SDHA: variants seen among roughly 807,000 people sequenced by gnomAD.
The protein encoded by SDHA is succinate dehydrogenase [ubiquinone] flavoprotein subunit, mitochondrial.
SDHA carries 48 observed loss-of-function variants against 78.4 expected under a neutral mutation model. The observed-to-expected ratio is 0.61, with a 90% CI of 0.49 to 0.78. The LOEUF (loss-of-function observed/expected upper bound fraction) is 0.78, where lower values mean the gene tolerates loss of function less well. Ranked by LOEUF, SDHA falls within the 30% of genes least tolerant of loss-of-function variation. SDHA has a pLI of 0.00. For synonymous variants in SDHA, 326 were observed against 353.9 expected (o/e 0.92, Z 0.88); for missense variants, 680 against 892.7 (o/e 0.76, Z 3.04).
At chr5:263,610 AC>A in the SDHA span, among the ~76,000 whole-genome samples, 3 of 152,190 alleles carry the variant, frequency 2.0e-5, no homozygotes, top group Admixed American at 1.3e-4. Context: ...TGTGCATTAC[AC>A]CATAAAAAAG....
chr5:262,449 A>G, the SDHA span, among the ~76,000 whole-genome samples: 1 of 152,204 alleles, frequency 6.6e-6, no homozygotes, highest in Non-Finnish European at 1.5e-5. Flanking sequence ...GCCTCCTGCC[A>G]GATCAGTGGT....
downstream of SDHA, among the ~76,000 whole-genome samples, chr5:258,877 C>G (rs1164959399): frequency 3.9e-5 from 2 of 51,066 alleles, 1 homozygote; most frequent in Non-Finnish European, 7.5e-5. Flanking sequence ...AGAGCCTTGC[C>G]GTGAGCTCCG....
rs1736814459 is a variant in SDHA at position 251,361 on chromosome 5, G to A, written c.1687G>A (p.Val563Met). The change falls in exon 13 of 15, where the codon GTG (valine) becomes ATG (methionine). Residue 563 changes from valine (V) to methionine (M), a missense_variant. Physicochemically the swap from Val to Met is conservative, Grantham distance 21. Transcript: ENST00000264932. ...AGGAATGGTCTGGAACACGGACCTG[G>A]TGGAGACCCTGGAGCTGCAGAACCT... ...DRGMVWNTDLVETLELQNLML... is the reference protein window; with the variant it reads ...DRGMVWNTDLMETLELQNLML... 2 of 1,613,588 alleles carry A rather than the reference G, an allele frequency of 1.2e-6. No homozygotes were observed. Among genetic ancestry groups the A allele is most frequent in the African/African-American group, 2.7e-5 (2 of 74,876 alleles).
intron 11 of SDHA, among the ~76,000 whole-genome samples, chr5:243,588 A>G (rs1373336427): frequency 4.6e-5 from 7 of 152,170 alleles, no homozygotes; most frequent in Non-Finnish European, 1.5e-5. Flanking sequence ...GTAGAGAACA[A>G]TACCCTTCCT....
At chr5:258,674 G>A (rs1436533516), downstream of SDHA, among the ~76,000 whole-genome samples, 1 of 106,840 alleles carries the variant, frequency 9.4e-6, no homozygotes, top group African/African-American at 5.9e-5. Context: ...TCCGCCTCCT[G>A]TCACAGCATT....
At chr5:231,697 G>A (rs1735414338) in intron 7 of SDHA, among the ~76,000 whole-genome samples, 1 of 152,262 alleles carries the variant, frequency 6.6e-6, no homozygotes, top group South Asian at 2.1e-4. Context: ...TCTCCACCGG[G>A]GTTTACTGAG....
At chr5:224,579 A>G in intron 3 of SDHA, 58 bp downstream of exon 3, 9 of 1,578,206 alleles carry the variant, frequency 5.7e-6, no homozygotes, top group Non-Finnish European at 6.1e-6. Context: ...GCAGCCTCGC[A>G]CTTTCTACCT....
At chr5:265,826 A>AAG in the SDHA span, among the ~76,000 whole-genome samples, 1 of 145,370 alleles carries the variant, frequency 6.9e-6, no homozygotes, top group African/African-American at 2.8e-5. Flanking sequence ...GTCTCAAAAA[A>AAG]AAAAAAAGAG....
chr5:245,144 A>G (rs1329182554), intron 11 of SDHA, among the ~76,000 whole-genome samples: 2 of 152,232 alleles, frequency 1.3e-5, no homozygotes, highest in Non-Finnish European at 2.9e-5. Flanking sequence ...GAAAAGGGAC[A>G]CATAGCTCCA....
chr5:243,034 G>T (rs1203677275), intron 11 of SDHA, among the ~76,000 whole-genome samples: 1 of 152,132 alleles, frequency 6.6e-6, no homozygotes, highest in African/African-American at 2.4e-5. Flanking sequence ...AGAGGACAGT[G>T]GGCGAAAAGT....
intron 11 of SDHA, among the ~76,000 whole-genome samples, chr5:245,704 A>G (rs1736400409): frequency 6.6e-6 from 1 of 152,248 alleles, no homozygotes; most frequent in Non-Finnish European, 1.5e-5. Flanking sequence ...AGTAAATGAC[A>G]TTACCATTGT....
chr5:268,195 T>C, the SDHA span, among the ~76,000 whole-genome samples: 1 of 151,950 alleles, frequency 6.6e-6, no homozygotes, highest in African/African-American at 2.4e-5. Context: ...TTTCTTTTTT[T>C]TTTTTTGAGA....
chr5:226,048 G>A lies in SDHA; in HGVS notation c.621+1G>A, dbSNP rs1735002961. ...GCTATTGCACACCTTATATGGAAGG[G>A]TAAGGCCGCCCCCGTCCACCTGAGA... On this transcript the variant is annotated splice_donor_variant, in intron 5 of 14. Coordinates refer to ENST00000264932, the MANE Select transcript of SDHA (RefSeq NM_004168.4). LOFTEE classifies it high-confidence loss of function. The A allele has an allele frequency of 6.2e-7, 1 of 1,614,066 alleles. No homozygotes were observed. The highest frequency in any genetic ancestry group is 1.1e-5 in the South Asian group (1 of 91,088).
At chr5:240,899 A>G (rs1365648873) in intron 11 of SDHA, among the ~76,000 whole-genome samples, 1 of 152,010 alleles carries the variant, frequency 6.6e-6, no homozygotes, top group Non-Finnish European at 1.5e-5. Context: ...TATATGTACC[A>G]CATTTTCTTC....
chr5:235,371 A>G, intron 9 of SDHA, 32 bp downstream of exon 9: 1 of 1,610,844 alleles, frequency 6.2e-7, no homozygotes, highest in Non-Finnish European at 8.5e-7. Flanking sequence ...CCACAGCTGG[A>G]AAGAAGGCTG....
chr5:239,890 C>G (rs1254024066), intron 10 of SDHA, among the ~76,000 whole-genome samples: 8 of 151,938 alleles, frequency 5.3e-5, no homozygotes, highest in Admixed American at 3.3e-4. Context: ...ATGCCTCAGC[C>G]TCCCGAGTAG....
chr5:262,297 AC>A, the SDHA span, among the ~76,000 whole-genome samples: 2 of 104,446 alleles, frequency 1.9e-5, no homozygotes, highest in East Asian at 5.1e-4. Flanking sequence ...ACAGAGCATT[AC>A]CGTGTGAGCT....
At chr5:235,497 G>A in intron 9 of SDHA, 158 bp downstream of exon 9, 1 of 751,698 alleles carries the variant, frequency 1.3e-6, no homozygotes, top group Non-Finnish European at 2.4e-6. Context: ...TCTATTACCG[G>A]AGGATGGAGG....
chr5:262,429 G>A, the SDHA span, among the ~76,000 whole-genome samples: 1 of 135,302 alleles, frequency 7.4e-6, no homozygotes, highest in East Asian at 1.9e-4. Context: ...ATCATTACTG[G>A]GCGAGCTCCG....
Sources: allele counts gnomAD v4.1 joint callset (sites outside exome capture counted in the v4.1 genomes callset), GRCh38; gene constraint gnomAD v4.1.1; transcripts MANE v1.5; gene names NCBI Gene and HGNC (gene_info 2026-07-23, HGNC 2026-07-21).